The following FGF18 variants were observed in gnomAD, a reference collection of about 807,000 sequenced individuals.
FGF18 encodes the protein fibroblast growth factor 18.
In FGF18, 5 loss-of-function variants were observed where a neutral mutation model predicts 23.0. The observed-to-expected ratio is 0.22, with a 90% confidence interval of 0.11 to 0.46. The LOEUF (loss-of-function observed/expected upper bound fraction) is 0.46. FGF18 is among the 20% of genes least tolerant of loss of function. The pLI, the probability that FGF18 is intolerant of heterozygous loss-of-function variation, is 0.99. For synonymous variants in FGF18, 117 were observed against 118.9 expected, an observed-to-expected ratio of 0.98 and a Z score of 0.10; for missense variants, 180 against 291.6, an observed-to-expected ratio of 0.62 and a Z score of 2.79.
intron 4 of FGF18, among the ~76,000 whole-genome samples, chr5:171,454,822 A>G (rs2113368713): frequency 6.6e-6 from 1 of 152,308 alleles, no homozygotes; most frequent in African/African-American, 2.4e-5. Flanking sequence ...TTGGAAACTC[A>G]AGTGCTGCTA....
intron 2 of FGF18, among the ~76,000 whole-genome samples, chr5:171,429,264 A>C (rs1019126090): frequency 2.0e-5 from 3 of 152,152 alleles, no homozygotes. Flanking sequence ...TTTCTGTTCA[A>C]TTTGGGCCAG....
chr5:171,428,531 G>A (rs189691744), intron 2 of FGF18, among the ~76,000 whole-genome samples: 71 of 152,334 alleles, frequency 4.7e-4, no homozygotes, highest in African/African-American at 1.6e-3. Context: ...GAGCCTCTGC[G>A]TGCGTGCATG....
Position 171,457,054 on chromosome 5 carries a change from C to T in FGF18, c.*249C>T, listed in dbSNP as rs375235042. On this transcript the variant is annotated 3_prime_UTR_variant, in exon 5 of 5. Coordinates refer to ENST00000274625, the MANE Select transcript of FGF18 (RefSeq NM_003862.3). ...GTAGTCAACCCACAGGTGCTTGTCT[C>T]TCTCTAGGAACAGACAACTCTAAAC... 836 of 501,854 alleles carry T rather than the reference C, an allele frequency of 1.7e-3. 1 individual carries two copies. Among genetic ancestry groups the T allele is most frequent in the Non-Finnish European group, 2.5e-3 (703 of 286,786 alleles). 31.1% of individuals were successfully genotyped at this position (501,854 alleles called of 1,614,324 possible). A position where few individuals can be genotyped will look rare whatever the true frequency, so the allele number is the denominator to read the frequency against.
intron 3 of FGF18, among the ~76,000 whole-genome samples, chr5:171,443,464 A>T (rs1307559645): frequency 1.4e-5 from 2 of 138,336 alleles, no homozygotes; most frequent in African/African-American, 5.4e-5. Flanking sequence ...TGCTTGACAC[A>T]TGGTATATGC....
intron 3 of FGF18, among the ~76,000 whole-genome samples, chr5:171,442,503 G>T (rs1772361208): frequency 2.0e-5 from 3 of 152,210 alleles, no homozygotes. Context: ...CGGCTGGCCA[G>T]CTACCGTCCA....
At chr5:171,432,156 T>G (rs2113339592) in intron 2 of FGF18, among the ~76,000 whole-genome samples, 1 of 152,150 alleles carries the variant, frequency 6.6e-6, no homozygotes, top group South Asian at 2.1e-4. Flanking sequence ...GACAGCAAAA[T>G]TGACTGTTCT....
At chr5:171,444,463 C>T (rs994706135) in intron 3 of FGF18, among the ~76,000 whole-genome samples, 4 of 152,248 alleles carry the variant, frequency 2.6e-5, no homozygotes, top group South Asian at 2.1e-4. Context: ...GTAGTTAGGA[C>T]AATGCCCAGC....
intron 2 of FGF18, among the ~76,000 whole-genome samples, chr5:171,428,643 G>A (rs993295447): frequency 2.0e-5 from 3 of 152,216 alleles, no homozygotes; most frequent in African/African-American, 7.2e-5. Context: ...GCTGACTGGG[G>A]TGGCTGGCGC....
chr5:171,437,938 C>T (rs1772276691), intron 3 of FGF18, among the ~76,000 whole-genome samples: 1 of 152,154 alleles, frequency 6.6e-6, no homozygotes, highest in African/African-American at 2.4e-5. Context: ...GCCGGCCCCT[C>T]ACCCCAGAAG....
chr5:171,431,394 G>A (rs1370857535), intron 2 of FGF18, among the ~76,000 whole-genome samples: 7 of 152,202 alleles, frequency 4.6e-5, no homozygotes, highest in Non-Finnish European at 1.0e-4. Flanking sequence ...ACCGGGAGAG[G>A]ATGAGACCGA....
rs952789421 is a variant in FGF18, at chr5:171,419,698, C to T, written c.-502C>T. The T allele has an allele frequency of 4.0e-5, 6 of 151,654 alleles. No individual in the cohort carries two copies. The highest frequency in any genetic ancestry group is 1.4e-4 in the African/African-American group (6 of 41,406). The allele number at this position is 151,654 out of a possible 1,614,324, so 9.4% of individuals were successfully genotyped here. On this transcript the variant is annotated 5_prime_UTR_variant, in exon 1 of 5. Transcript: ENST00000274625. ...GAGACGCGGAGGAGGAGACATGAGC[C>T]GGCGGGCGCCCAGACGGAGCGGCCG... is the stretch of plus-strand genomic sequence containing the variant.
intron 2 of FGF18, among the ~76,000 whole-genome samples, chr5:171,421,963 C>T (rs989220524): frequency 1.3e-5 from 2 of 152,130 alleles, no homozygotes; most frequent in Non-Finnish European, 2.9e-5. Context: ...AGTCCCCAAG[C>T]AGAGGGCAGG....
chr5:171,447,482 AGGG>A (rs2113358437), intron 3 of FGF18, among the ~76,000 whole-genome samples: 1 of 152,232 alleles, frequency 6.6e-6, no homozygotes, highest in Non-Finnish European at 1.5e-5. Flanking sequence ...AGTGTTGACT[AGGG>A]CTGGGGGGAG....
rs779730682 is a variant in FGF18 at position 171,449,142 on chromosome 5, C to T, written c.251-5C>T. 8 of 1,609,318 alleles carry T rather than the reference C, an allele frequency of 5.0e-6. No individual in the cohort carries two copies. The highest frequency in any genetic ancestry group is 2.2e-5 in the South Asian group (2 of 90,948). On this transcript the variant is annotated splice_polypyrimidine_tract_variant and splice_region_variant and intron_variant, in intron 3 of 4. Coordinates refer to ENST00000274625, the MANE Select transcript of FGF18 (RefSeq NM_003862.3). ...TGTGTCTTGTTCTCCTTCTGCCTTT[C>T]GAAGCCCAGCTCCTAGTGGAGACAG... is the stretch of plus-strand genomic sequence containing the variant.
At position 171,434,256 on chromosome 5, in the gene FGF18, A is replaced by T. The variant is rs1365585771; in HGVS notation, c.70-1837A>T. 6.6e-6 allele frequency among the ~76,000 whole-genome samples: 1 copy of T among 152,220 alleles called. No individual in the cohort carries two copies. Among genetic ancestry groups the T allele is most frequent in the Non-Finnish European group, 1.5e-5 (1 of 68,040 alleles). On this transcript the variant is annotated intron_variant, in intron 2 of 4. Coordinates refer to ENST00000274625, the MANE Select transcript of FGF18 (RefSeq NM_003862.3). The surrounding 1 kb of genome is among the most constrained non-coding windows in gnomAD (Gnocchi z 4.6). Reference sequence around the variant, plus strand: ...TGTCAGTGGAGCTGACAGTTTCCTCATCCATAATGTGGGATGATGCTTCCA... The same window carrying T: ...TGTCAGTGGAGCTGACAGTTTCCTCTTCCATAATGTGGGATGATGCTTCCA...
chr5:171,422,009 C>G (rs1458495468), intron 2 of FGF18, among the ~76,000 whole-genome samples: 3 of 152,232 alleles, frequency 2.0e-5, no homozygotes, highest in East Asian at 1.9e-4. Context: ...CTTGTCTGAC[C>G]TGGGCAAGAG....
At chr5:171,442,909 C>A (rs1262225373) in intron 3 of FGF18, among the ~76,000 whole-genome samples, 1 of 152,236 alleles carries the variant, frequency 6.6e-6, no homozygotes, top group Non-Finnish European at 1.5e-5. Flanking sequence ...AAGGTCTGTC[C>A]TCTGTCTGCC....
At chr5:171,452,363 C>T (rs1165676289) in intron 4 of FGF18, among the ~76,000 whole-genome samples, 8 of 152,224 alleles carry the variant, frequency 5.3e-5, no homozygotes, top group Admixed American at 5.2e-4. Context: ...CTTGGGCCAT[C>T]TGTGTGCCAA....
intron 3 of FGF18, 27 bp from the exon 4 acceptor site, chr5:171,449,120 G>A: frequency 6.5e-7 from 1 of 1,537,598 alleles, no homozygotes; most frequent in Non-Finnish European, 9.0e-7. Flanking sequence ...AATAAAATGT[G>A]TCTTGTTCTC....
Sources: gnomAD v4.1 joint callset for allele counts (sites outside exome capture counted in the v4.1 genomes callset) on GRCh38, gnomAD v4.1.1 for gene constraint, Gnocchi (gnomAD v3.1) non-coding constraint, MANE v1.5 for transcripts, NCBI Gene and HGNC (gene_info 2026-07-23, HGNC 2026-07-21) for gene names.